The following ASB13 variants were observed in gnomAD, a reference collection of about 807,000 sequenced individuals.
ASB13 encodes the protein ankyrin repeat and SOCS box protein 13.
In ASB13, 33 loss-of-function variants were observed where a neutral mutation model predicts 28.8. That is an observed-to-expected ratio of 1.15 (90% confidence interval 0.87 to 1.53). The LOEUF (loss-of-function observed/expected upper bound fraction) is 1.53, where lower values mean the gene tolerates loss of function less well. Among genes scored for constraint, ASB13 ranks in the 40% most tolerant of loss-of-function variants. The probability of loss-of-function intolerance (pLI) is 0.00; values close to 1 mark genes in which losing one functional copy is unlikely to be tolerated. For synonymous variants in ASB13, 182 were observed against 172.9 expected (o/e 1.05, Z -0.41); for missense variants, 414 against 390.1 (o/e 1.06, Z -0.52).
rs141933917 is a variant in ASB13, at chr10:5,649,123, G to C, written c.383-19C>G. 4.1e-4 allele frequency: 669 copies of C among 1,613,394 alleles called. 2 individuals carry two copies. The African/African-American group carries it at 7.8e-3, about 19-fold the overall frequency. ...GAACTCCCTTAAGATAAATGGAAAAGGGGGGGAATGTCCTTGAATACGGAC... is the reference window on the plus strand; with the variant it reads ...GAACTCCCTTAAGATAAATGGAAAACGGGGGGAATGTCCTTGAATACGGAC... On this transcript the variant is annotated intron_variant, in intron 3 of 5. Coordinates refer to ENST00000357700, the MANE Select transcript of ASB13 (RefSeq NM_024701.4). This position sits in a 1 kb window ranked among gnomAD's most constrained non-coding sequence, Gnocchi z 6.4.
Position 5,648,057 on chromosome 10 carries a change from A to G in ASB13, c.517+913T>C, listed in dbSNP as rs566613905. On this transcript the variant is annotated intron_variant, in intron 4 of 5. Transcript: ENST00000357700. ...CACCTACTCAGGCAAACACCCACTC[A>G]GGTAAACACCCACGCAGGCAAACAC... is the stretch of plus-strand genomic sequence containing the variant. 2.3e-3 allele frequency among the ~76,000 whole-genome samples: 254 copies of G among 110,410 alleles called. 1 individual carries two copies. Among genetic ancestry groups the G allele is most frequent in the Middle Eastern group, 0.011 (2 of 188 alleles). The allele number at this position is 110,410 out of a possible 152,430, so 72.4% of individuals were successfully genotyped here.
chr10:5,640,893 G>GCC, intron 5 of ASB13, 63 bp from the exon 6 acceptor site: 1 of 1,587,554 alleles, frequency 6.3e-7, no homozygotes, highest in Non-Finnish European at 8.6e-7. Flanking sequence ...CACCTGCAAT[G>GCC]GAACACAAAC....
Position 5,640,687 on chromosome 10 carries a change from G to A in ASB13, c.*16C>T, listed in dbSNP as rs202127515. 67 of 1,613,972 alleles carry A rather than the reference G, an allele frequency of 4.2e-5. No individual in the cohort carries two copies. Among genetic ancestry groups the A allele is most frequent in the Admixed American group, 1.0e-4 (6 of 60,010 alleles). ...GGCACAACGGGGGCAGCCACGGTCC[G>A]GACCCCACCTGCAATTCAGTTGTAG... On this transcript the variant is annotated 3_prime_UTR_variant, in exon 6 of 6. Coordinates refer to ENST00000357700, the MANE Select transcript of ASB13 (RefSeq NM_024701.4).
chr10:5,657,696 G>C (rs903605821), intron 1 of ASB13, among the ~76,000 whole-genome samples: 1 of 152,184 alleles, frequency 6.6e-6, no homozygotes, highest in African/African-American at 2.4e-5. Flanking sequence ...TGAAAGCAGG[G>C]TCTTGAGGAG....
intron 1 of ASB13, 149 bp from the exon 2 acceptor site, chr10:5,653,199 A>G: frequency 1.1e-6 from 1 of 892,324 alleles, no homozygotes; most frequent in Non-Finnish European, 1.7e-6. Context: ...TCCCTGAGCC[A>G]CCCCCACTGC....
At chr10:5,654,561 C>T (rs1036547185) in intron 1 of ASB13, among the ~76,000 whole-genome samples, 15 of 152,206 alleles carry the variant, frequency 9.9e-5, no homozygotes, top group Admixed American at 3.3e-4. Flanking sequence ...GCAGAAACCA[C>T]GCACGTGTTT....
intron 1 of ASB13, among the ~76,000 whole-genome samples, chr10:5,662,613 G>GAAGAGAAGAA (rs1564223009): frequency 4.0e-5 from 6 of 148,936 alleles, no homozygotes; most frequent in Non-Finnish European, 7.4e-5. Flanking sequence ...GAAGAGAAGA[G>GAAGAGAAGAA]AAGAGAAGAG....
chr10:5,646,007 G>A (rs1834881638), intron 4 of ASB13, among the ~76,000 whole-genome samples: 1 of 152,176 alleles, frequency 6.6e-6, no homozygotes, highest in Non-Finnish European at 1.5e-5. Flanking sequence ...GAGTAGGATG[G>A]GAACCAGGAA....
In ASB13 at chr10:5,664,500, G is replaced by C. The variant is rs1330505161; in HGVS notation, c.43+2009C>G. On this transcript the variant is annotated intron_variant, in intron 1 of 5. Transcript: ENST00000357700. This position sits in a 1 kb window ranked among gnomAD's most constrained non-coding sequence, Gnocchi z 4.2. ...TAGTCCCCACATAGCAAGTGGCTCAGCTGCAATATTCACAGTCACAATAAT... is the reference window on the plus strand; with the variant it reads ...TAGTCCCCACATAGCAAGTGGCTCACCTGCAATATTCACAGTCACAATAAT... 7.2e-6 allele frequency among the ~76,000 whole-genome samples: 1 copy of C among 139,200 alleles called. No individual in the cohort carries two copies. The highest frequency in any genetic ancestry group is 2.1e-4 in the East Asian group (1 of 4,764). The allele number at this position is 139,200 out of a possible 152,430, so 91.3% of individuals were successfully genotyped here.
At chr10:5,665,249 T>C (rs2131461562) in intron 1 of ASB13, among the ~76,000 whole-genome samples, 1 of 152,360 alleles carries the variant, frequency 6.6e-6, no homozygotes, top group African/African-American at 2.4e-5. Flanking sequence ...GGTTCGCCTC[T>C]GGTGCTGCTG....
chr10:5,649,035 C>T lies in ASB13; in HGVS notation c.452G>A (p.Gly151Glu). The T allele has an allele frequency of 6.2e-7, 1 of 1,614,262 alleles. No individual in the cohort carries two copies. Among genetic ancestry groups the T allele is most frequent in the East Asian group, 2.2e-5 (1 of 44,890 alleles). Residue 151 changes from glycine (G) to glutamate (E), a missense_variant, in exon 4 of 6, where the codon GGG (glycine) becomes GAG (glutamate). By Grantham distance (98) the Gly-to-Glu change is moderately conservative. Transcript: ENST00000357700. This position sits in a 1 kb window ranked among gnomAD's most constrained non-coding sequence, Gnocchi z 6.4. ...ANLEAHDCHF[G>E]TPLHVACARE... Reference sequence around the variant, plus strand: ...GGCACAGGCAACGTGCAGAGGGGTCCCAAAATGGCAATCGTGCGCTTCCAG... The same window carrying T: ...GGCACAGGCAACGTGCAGAGGGGTCTCAAAATGGCAATCGTGCGCTTCCAG...
In ASB13 at chr10:5,656,321, C is replaced by T. The variant is rs1276006124; in HGVS notation, c.44-3271G>A. ...TTGGGAGGCCAAGGCGGGTGGATCA[C>T]GAGGTCAGGAGTTTGAGACCAGCCT... is the stretch of plus-strand genomic sequence containing the variant. On this transcript the variant is annotated intron_variant, in intron 1 of 5. Coordinates refer to ENST00000357700, the MANE Select transcript of ASB13 (RefSeq NM_024701.4). The surrounding 1 kb of genome is among the most constrained non-coding windows in gnomAD (Gnocchi z 4.3). 2.0e-5 allele frequency among the ~76,000 whole-genome samples: 3 copies of T among 152,154 alleles called. No homozygotes were observed. Among genetic ancestry groups the T allele is most frequent in the East Asian group, 3.9e-4 (2 of 5,192 alleles).
Position 5,641,885 on chromosome 10 carries a change from G to C in ASB13, c.594C>G (p.Ile198Met). 2 of 1,614,156 alleles carry C rather than the reference G, an allele frequency of 1.2e-6. No individual in the cohort carries two copies. Among genetic ancestry groups the C allele is most frequent in the Non-Finnish European group, 1.7e-6 (2 of 1,180,018 alleles). The change falls in exon 5 of 6, where the codon ATC becomes ATG. Residue 198 changes from isoleucine (I) to methionine (M), a missense_variant. Physicochemically the swap from Ile to Met is conservative, Grantham distance 10. Transcript: ENST00000357700. This position sits in a 1 kb window ranked among gnomAD's most constrained non-coding sequence, Gnocchi z 8.4. ...TGCCGCCAAACTCGATAAGCATCTC[G>C]ATGAGGTCAACATTCTTGACCTTGG... Reference protein sequence around the residue: ...HAAKVKNVDLIEMLIEFGGNI... With the variant: ...HAAKVKNVDLMEMLIEFGGNI...
chr10:5,644,858 AG>A lies in ASB13; in HGVS notation c.518-2898del, dbSNP rs1176792617. ...AAAGAAGGGAACAGATACAGAGGAA[AG>A]AAGGAAGAGAGAAAGAGGGTAGGAG... On this transcript the variant is annotated intron_variant, in intron 4 of 5. Coordinates refer to ENST00000357700, the MANE Select transcript of ASB13 (RefSeq NM_024701.4). This position sits in a 1 kb window ranked among gnomAD's most constrained non-coding sequence, Gnocchi z 5.1. Among the ~76,000 whole-genome samples the A allele has an allele frequency of 6.6e-6, 1 of 152,156 alleles. No individual in the cohort carries two copies. The highest frequency in any genetic ancestry group is 3.2e-3 in the Middle Eastern group (1 of 316).
In ASB13 at chr10:5,642,468, CG is replaced by C. The variant is rs201731211; in HGVS notation, c.518-508del. On this transcript the variant is annotated intron_variant, in intron 4 of 5. Coordinates refer to ENST00000357700, the MANE Select transcript of ASB13 (RefSeq NM_024701.4). This position sits in a 1 kb window ranked among gnomAD's most constrained non-coding sequence, Gnocchi z 4.1. Reference sequence around the variant, plus strand: ...TCTTTTACAAAAGGAAAACAGATAACGTACCCAAAACAGTAGGCAATTCAGA... The same window carrying C: ...TCTTTTACAAAAGGAAAACAGATAACTACCCAAAACAGTAGGCAATTCAGA... 6.9e-3 allele frequency: 8,085 copies of C among 1,175,934 alleles called. 30 individuals are homozygous for C. The highest frequency in any genetic ancestry group is 7.7e-3 in the Non-Finnish European group (7,238 of 935,806). 72.8% of individuals were successfully genotyped at this position (1,175,934 alleles called of 1,614,324 possible). A position where few individuals can be genotyped will look rare whatever the true frequency, so the allele number is the denominator to read the frequency against.
chr10:5,640,834 A>G lies in ASB13; in HGVS notation c.710-4T>C, dbSNP rs201029456. The G allele has an allele frequency of 2.5e-6, 4 of 1,613,482 alleles. No homozygotes were observed. In the Admixed American group the frequency reaches 6.7e-5, roughly 27 times the overall value. On this transcript the variant is annotated splice_region_variant and splice_polypyrimidine_tract_variant and intron_variant, in intron 5 of 5. Transcript: ENST00000357700. ...TGTGACAGAGTCAGAGGTGTCTCTGAAAAAGGGAGCAAGGAAGGATGTGAG... is the reference window on the plus strand; with the variant it reads ...TGTGACAGAGTCAGAGGTGTCTCTGGAAAAGGGAGCAAGGAAGGATGTGAG...
intron 4 of ASB13, 120 bp downstream of exon 4, chr10:5,648,850 C>G: frequency 6.6e-7 from 1 of 1,526,464 alleles, no homozygotes; most frequent in Non-Finnish European, 8.8e-7. Context: ...CGGTAAACAC[C>G]CACTCGGGTA....
Position 5,656,254 on chromosome 10 carries a change from G to A in ASB13, c.44-3204C>T, listed in dbSNP as rs1835072673. ...AGGAGTTACTAAAACCAATTATAAA[G>A]TCTGACTGGTCAAGGTGGTTCAAGC... On this transcript the variant is annotated intron_variant, in intron 1 of 5. Transcript: ENST00000357700. The surrounding 1 kb of genome is among the most constrained non-coding windows in gnomAD (Gnocchi z 4.3). Among the ~76,000 whole-genome samples, 4 of 152,174 alleles carry A rather than the reference G, an allele frequency of 2.6e-5. No individual in the cohort carries two copies. The highest frequency in any genetic ancestry group is 2.6e-4 in the Admixed American group (4 of 15,278).
In ASB13 at chr10:5,661,176, C is replaced by T. The variant is rs1250667790; in HGVS notation, c.43+5333G>A. On this transcript the variant is annotated intron_variant, in intron 1 of 5. Coordinates refer to ENST00000357700, the MANE Select transcript of ASB13 (RefSeq NM_024701.4). This position sits in a 1 kb window ranked among gnomAD's most constrained non-coding sequence, Gnocchi z 4.9. ...CCCTAGAGAGCCTGTGTCTAGGAGG[C>T]AGCTGGCCTGCTGGCCCCTGCACAC... Among the ~76,000 whole-genome samples, 1 of 152,176 alleles carries T rather than the reference C, an allele frequency of 6.6e-6. No individual in the cohort carries two copies. Among genetic ancestry groups the T allele is most frequent in the African/African-American group, 2.4e-5 (1 of 41,448 alleles).
Sources: allele counts gnomAD v4.1 joint callset (sites outside exome capture counted in the v4.1 genomes callset), GRCh38; gene constraint gnomAD v4.1.1; non-coding constraint Gnocchi (gnomAD v3.1); transcripts MANE v1.5; gene names NCBI Gene and HGNC (gene_info 2026-07-23, HGNC 2026-07-21).